Variants in DPP6 observed in about 807,000 individuals in gnomAD.
DPP6 encodes A-type potassium channel modulatory protein DPP6.
Under a neutral mutation model 122.6 loss-of-function variants are expected in DPP6, and 69 were observed. The ratio of observed to expected loss-of-function variants is 0.56; its 90% CI spans 0.46 to 0.69. The LOEUF (loss-of-function observed/expected upper bound fraction) is 0.69, where lower values mean the gene tolerates loss of function less well. DPP6 is among the 30% of genes least tolerant of loss of function. DPP6 has a pLI of 0.00. For synonymous variants in DPP6, 418 were observed against 433.1 expected (o/e 0.97, Z 0.43); for missense variants, 928 against 1,116.9 (o/e 0.83, Z 2.41).
rs1045559985 is a variant in DPP6 at position 154,367,255 on chromosome 7, C to G, written c.244-78959C>G. Among the ~76,000 whole-genome samples, 3 of 152,170 alleles carry G rather than the reference C, an allele frequency of 2.0e-5. No individual in the cohort carries two copies. In the South Asian group the frequency reaches 6.2e-4, roughly 32 times the overall value. On this transcript the variant is annotated intron_variant, in intron 1 of 25. Coordinates refer to ENST00000377770, the MANE Select transcript of DPP6 (RefSeq NM_130797.4). ...AGGGAACTCATTATGTGTGATGGTC[C>G]CCTTGCCAGCCATAGGAGACATTTC... is the stretch of plus-strand genomic sequence containing the variant.
chr7:153,779,784 C>T, the DPP6 span, among the ~76,000 whole-genome samples: 1 of 129,446 alleles, frequency 7.7e-6, no homozygotes, highest in Non-Finnish European at 1.6e-5. Context: ...GATTCCAGAA[C>T]AGAAAAAGAA....
upstream of DPP6, among the ~76,000 whole-genome samples, chr7:154,049,651 G>A (rs908904935): frequency 7.0e-6 from 1 of 143,626 alleles, no homozygotes; most frequent in African/African-American, 2.6e-5. Flanking sequence ...GCAGTGGCGC[G>A]ATCTCGGCTC....
chr7:154,653,636 G>T (rs1837031594), intron 6 of DPP6, among the ~76,000 whole-genome samples: 1 of 152,192 alleles, frequency 6.6e-6, no homozygotes. Context: ...GTTGAGAGAT[G>T]ATTGATAGAT....
intron 1 of DPP6, among the ~76,000 whole-genome samples, chr7:154,006,548 G>C (rs1490537678): frequency 6.6e-6 from 1 of 152,210 alleles, no homozygotes; most frequent in Non-Finnish European, 1.5e-5. Context: ...AAAGGATTGT[G>C]TAATTCGATC....
intron 12 of DPP6, 186 bp downstream of exon 12, chr7:154,796,069 CTCCAGGAGAATCCAAGT>C: frequency 1.1e-6 from 1 of 921,108 alleles, no homozygotes; most frequent in Non-Finnish European, 1.5e-6. Context: ...GCCCAGAGAG[CTCCAGGAGAATCCAAGT>C]TCCAGGGAGG....
chr7:154,159,340 T>TGTTAG (rs1291030849), intron 1 of DPP6, among the ~76,000 whole-genome samples: 1 of 152,202 alleles, frequency 6.6e-6, no homozygotes, highest in Non-Finnish European at 1.5e-5. Context: ...GGTGTTGAAA[T>TGTTAG]GTTAGGTCTG....
chr7:154,151,412 C>T (rs1796413782), intron 1 of DPP6, among the ~76,000 whole-genome samples: 1 of 152,194 alleles, frequency 6.6e-6, no homozygotes, highest in Non-Finnish European at 1.5e-5. Flanking sequence ...TGCTTGTAAG[C>T]CTGTGACCAG....
At chr7:154,145,172 G>T (rs542091197) in intron 1 of DPP6, among the ~76,000 whole-genome samples, 17 of 152,218 alleles carry the variant, frequency 1.1e-4, no homozygotes, top group African/African-American at 3.9e-4. Context: ...AGATAATCTG[G>T]GTGGGCCTAT....
intron 1 of DPP6, among the ~76,000 whole-genome samples, chr7:153,930,679 G>A (rs1237427017): frequency 6.6e-6 from 1 of 152,152 alleles, no homozygotes; most frequent in East Asian, 1.9e-4. Flanking sequence ...AACATGAGTG[G>A]TTCACCTGCT....
At chr7:154,810,342 G>T (rs188916763) in intron 16 of DPP6, among the ~76,000 whole-genome samples, 1 of 152,190 alleles carries the variant, frequency 6.6e-6, no homozygotes, top group South Asian at 2.1e-4. Context: ...CATGGATTTA[G>T]GCAGGGAAGT....
intron 4 of DPP6, among the ~76,000 whole-genome samples, chr7:154,560,073 A>G (rs1830323145): frequency 6.6e-6 from 1 of 151,680 alleles, no homozygotes; most frequent in South Asian, 2.1e-4. Context: ...ACTTAAGGGA[A>G]GTTCTTTGGA....
intron 1 of DPP6, among the ~76,000 whole-genome samples, chr7:154,190,499 AG>A (rs1188677580): frequency 6.6e-6 from 1 of 152,212 alleles, no homozygotes; most frequent in African/African-American, 2.4e-5. Context: ...TAAGCAGGCA[AG>A]TCTGTCAGTT....
At chr7:154,128,333 A>T (rs1471296397) in intron 1 of DPP6, among the ~76,000 whole-genome samples, 1 of 152,222 alleles carries the variant, frequency 6.6e-6, no homozygotes, top group East Asian at 1.9e-4. Context: ...TAATCCCAGC[A>T]CTTGGGGCAG....
At chr7:154,037,414 A>G (rs1799592917) in intron 1 of DPP6, among the ~76,000 whole-genome samples, 1 of 151,160 alleles carries the variant, frequency 6.6e-6, no homozygotes, top group Admixed American at 6.6e-5. Context: ...TCAGGGGTTC[A>G]CTGTTAGCCC....
At position 154,488,351 on chromosome 7, in the gene DPP6, G is replaced by A. The variant is rs546782845; in HGVS notation, c.457+13314G>A. 5.3e-5 allele frequency among the ~76,000 whole-genome samples: 8 copies of A among 152,014 alleles called. No homozygotes were observed. In the East Asian group the frequency reaches 5.8e-4, roughly 11 times the overall value. On this transcript the variant is annotated intron_variant, in intron 3 of 25. Coordinates refer to ENST00000377770, the MANE Select transcript of DPP6 (RefSeq NM_130797.4). ...AAAATACAAAAAAAGTTAGCCGGGC[G>A]TGGTGGCGGGTGCCTGTAGTCCCAG... is the stretch of plus-strand genomic sequence containing the variant.
chr7:154,861,379 T>C (rs561306353), intron 17 of DPP6, among the ~76,000 whole-genome samples: 31 of 152,342 alleles, frequency 2.0e-4, no homozygotes, highest in South Asian at 1.5e-3. Flanking sequence ...CATAATCCTA[T>C]GATATCTAAG....
intron 1 of DPP6, among the ~76,000 whole-genome samples, chr7:154,020,931 T>C (rs561833644): frequency 3.5e-4 from 53 of 152,200 alleles, no homozygotes; most frequent in Middle Eastern, 6.8e-3. Context: ...ACTGCCCCCA[T>C]TGTGGAGGAT....
chr7:154,134,555 C>G (rs1232907555), intron 1 of DPP6, among the ~76,000 whole-genome samples: 1 of 152,206 alleles, frequency 6.6e-6, no homozygotes, highest in African/African-American at 2.4e-5. Flanking sequence ...TTGAGCTTCA[C>G]AAGGTCAAAT....
the DPP6 span, among the ~76,000 whole-genome samples, chr7:153,813,595 C>T: frequency 3.9e-5 from 6 of 152,032 alleles, no homozygotes; most frequent in East Asian, 1.9e-4. Flanking sequence ...CCTGAGGAAT[C>T]GCCACACTGA....
Sources: gnomAD v4.1 joint callset for allele counts (sites outside exome capture counted in the v4.1 genomes callset) on GRCh38, gnomAD v4.1.1 for gene constraint, MANE v1.5 for transcripts, NCBI Gene and HGNC (gene_info 2026-07-23, HGNC 2026-07-21) for gene names.